Variants in LAMP3 observed in about 807,000 individuals in gnomAD.
LAMP3 encodes the protein lysosome-associated membrane glycoprotein 3.
LAMP3 carries 26 observed loss-of-function variants against 34.8 expected under a neutral mutation model. The ratio of observed to expected loss-of-function variants is 0.75; its 90% confidence interval spans 0.55 to 1.04. The LOEUF is 1.04. Ranked by LOEUF, LAMP3 falls within the 50% of genes least tolerant of loss-of-function variation. The pLI, the probability that LAMP3 is intolerant of heterozygous loss-of-function variation, is 0.00. For synonymous variants in LAMP3, 180 were observed against 201.9 expected (o/e 0.89, Z 0.92); for missense variants, 495 against 524.0 (o/e 0.94, Z 0.54).
intron 3 of LAMP3, among the ~76,000 whole-genome samples, chr3:183,149,610 TACAC>T (rs568430015): frequency 5.5e-5 from 7 of 127,166 alleles, no homozygotes; most frequent in African/African-American, 9.1e-5. Context: ...TATATATGTA[TACAC>T]ACACACACAC....
At chr3:183,142,073 C>T (rs992361713) in intron 3 of LAMP3, among the ~76,000 whole-genome samples, 4 of 152,188 alleles carry the variant, frequency 2.6e-5, no homozygotes, top group African/African-American at 9.7e-5. Context: ...TTAGACAATC[C>T]ATTTGCTTTA....
chr3:183,140,475 A>G lies in LAMP3; in HGVS notation c.946+63T>C, dbSNP rs189724028. On this transcript the variant is annotated intron_variant, in intron 4 of 5. Transcript: ENST00000265598. ...ACATGAGAAGATTCAATGGGATGAA[A>G]GGTGAGCTAACCAACAGAAACAGCG... 4 of 832,582 alleles carry G rather than the reference A, an allele frequency of 4.8e-6. No individual in the cohort carries two copies. The Admixed American group carries it at 5.7e-5, about 12-fold the overall frequency. 51.6% of individuals were successfully genotyped at this position (832,582 alleles called of 1,614,324 possible).
In LAMP3 at chr3:183,126,563, T is replaced by TGTGCGC. The variant is rs1289493902; in HGVS notation, c.1118-2350_1118-2349insGCGCAC. On this transcript the variant is annotated intron_variant, in intron 5 of 5. Coordinates refer to ENST00000265598, the MANE Select transcript of LAMP3 (RefSeq NM_014398.4). ...GTGTGTGTGTGTGTGTGTGTGTGTGTGCACACGTGTGCATGTGTGCAAACT... is the reference window on the plus strand; with the variant it reads ...GTGTGTGTGTGTGTGTGTGTGTGTGTGTGCGCGCACACGTGTGCATGTGTGCAAACT... 2.9e-4 allele frequency among the ~76,000 whole-genome samples: 43 copies of TGTGCGC among 149,162 alleles called. 8 individuals are homozygous for TGTGCGC. Among genetic ancestry groups the TGTGCGC allele is most frequent in the South Asian group, 6.4e-4 (3 of 4,720 alleles).
chr3:183,142,470 C>G (rs73886244), intron 3 of LAMP3, among the ~76,000 whole-genome samples: 5 of 151,942 alleles, frequency 3.3e-5, no homozygotes, highest in Non-Finnish European at 5.9e-5. Context: ...TTTCAGAATT[C>G]GCCACGTGCA....
chr3:183,140,643 T>C, intron 3 of LAMP3, 48 bp from the exon 4 acceptor site: 1 of 1,184,142 alleles, frequency 8.4e-7, no homozygotes, highest in East Asian at 2.3e-5. Flanking sequence ...TACTCATATG[T>C]TTACAATCTT....
intron 1 of LAMP3, among the ~76,000 whole-genome samples, chr3:183,154,657 G>A (rs1260591716): frequency 2.6e-5 from 4 of 152,146 alleles, no homozygotes; most frequent in Non-Finnish European, 5.9e-5. Flanking sequence ...TGTGTGAGGT[G>A]TGGTACTAAT....
chr3:183,162,498 ACCTC>A, intron 1 of LAMP3, 105 bp downstream of exon 1: 3 of 1,121,172 alleles, frequency 2.7e-6, no homozygotes, highest in Non-Finnish European at 3.9e-6. Flanking sequence ...GACGCGCCAC[ACCTC>A]CCTACCCGCA....
At chr3:183,148,257 G>T (rs995709961) in intron 3 of LAMP3, among the ~76,000 whole-genome samples, 6 of 152,144 alleles carry the variant, frequency 3.9e-5, no homozygotes, top group African/African-American at 1.4e-4. Context: ...ACGTTGGTCT[G>T]GGCAAAGATT....
chr3:183,160,258 C>T (rs1720938895), intron 1 of LAMP3, among the ~76,000 whole-genome samples: 2 of 152,182 alleles, frequency 1.3e-5, no homozygotes, highest in South Asian at 4.1e-4. Context: ...AGAGAGTTTA[C>T]CCAAAAGCTC....
rs769121427 is a variant in LAMP3, at chr3:183,124,055, T to A, written c.*26A>T. On this transcript the variant is annotated 3_prime_UTR_variant, in exon 6 of 6. Coordinates refer to ENST00000265598, the MANE Select transcript of LAMP3 (RefSeq NM_014398.4). ...GGATGAAAGAGTTCTCTAAATTCCA[T>A]TATTTTCATTCCCCCCGGGCAACAA... 1.2e-6 allele frequency: 2 copies of A among 1,613,676 alleles called. No homozygotes were observed. Among genetic ancestry groups the A allele is most frequent in the Non-Finnish European group, 1.7e-6 (2 of 1,179,696 alleles).
At chr3:183,157,889 G>A (rs527270359) in intron 1 of LAMP3, among the ~76,000 whole-genome samples, 24 of 152,236 alleles carry the variant, frequency 1.6e-4, no homozygotes, top group South Asian at 2.1e-4. Flanking sequence ...TGTGGTACCC[G>A]GTCAAGGTGT....
chr3:183,151,004 C>T (rs1720612728), intron 3 of LAMP3, among the ~76,000 whole-genome samples: 1 of 152,176 alleles, frequency 6.6e-6, no homozygotes, highest in African/African-American at 2.4e-5. Context: ...CGCAACTCTA[C>T]CTTGTATGCT....
chr3:183,151,277 C>T (rs1284330682), intron 3 of LAMP3, among the ~76,000 whole-genome samples: 1 of 152,198 alleles, frequency 6.6e-6, no homozygotes, highest in Non-Finnish European at 1.5e-5. Flanking sequence ...ATTTGAAGGA[C>T]ACTCTGAGGC....
intron 1 of LAMP3, among the ~76,000 whole-genome samples, chr3:183,158,621 C>T (rs937140779): frequency 2.0e-5 from 3 of 152,036 alleles, no homozygotes; most frequent in African/African-American, 7.2e-5. Flanking sequence ...TCCCCTACAA[C>T]CAGTGGGTGT....
rs1553874644 is a variant in LAMP3, at chr3:183,136,664, A to AC, written c.947-778_947-777insG. 8.4e-5 allele frequency among the ~76,000 whole-genome samples: 12 copies of AC among 143,636 alleles called. No homozygotes were observed. The East Asian group carries it at 2.0e-3, about 23-fold the overall frequency. The allele number at this position is 143,636 out of a possible 152,430, so 94.2% of individuals were successfully genotyped here. ...GAAACTCCGTTTCAGAAAAAAAAAAAAAAAAACAACTCATTAGGAGGGGTT... is the reference window on the plus strand; with the variant it reads ...GAAACTCCGTTTCAGAAAAAAAAAAACAAAAAACAACTCATTAGGAGGGGTT... On this transcript the variant is annotated intron_variant, in intron 4 of 5. Transcript: ENST00000265598.
At chr3:183,154,915 ATCTTTTTTT>A (rs145151045) in intron 1 of LAMP3, among the ~76,000 whole-genome samples, 11,159 of 152,014 alleles carry the variant, frequency 0.073, 456 homozygotes, top group East Asian at 0.16. Flanking sequence ...CCAAACTCCA[ATCTTTTTTT>A]TCTTTTTTGA....
intron 4 of LAMP3, among the ~76,000 whole-genome samples, chr3:183,137,457 G>A (rs1327747782): frequency 6.6e-6 from 1 of 152,138 alleles, no homozygotes; most frequent in Non-Finnish European, 1.5e-5. Context: ...CTGGCCAGAG[G>A]ACCCAACTCT....
chr3:183,141,316 T>C (rs1209306856), intron 3 of LAMP3, among the ~76,000 whole-genome samples: 1 of 152,186 alleles, frequency 6.6e-6, no homozygotes, highest in Non-Finnish European at 1.5e-5. Context: ...CCACATTTCA[T>C]CTAGGAATTA....
chr3:183,129,396 G>A (rs1028255989), intron 5 of LAMP3, among the ~76,000 whole-genome samples: 23 of 151,622 alleles, frequency 1.5e-4, no homozygotes, highest in African/African-American at 2.9e-4. Flanking sequence ...AGGTCTATAC[G>A]TCAGAGGCAC....
Sources: gnomAD v4.1 joint callset for allele counts (sites outside exome capture counted in the v4.1 genomes callset) on GRCh38, gnomAD v4.1.1 for gene constraint, MANE v1.5 for transcripts, NCBI Gene and HGNC (gene_info 2026-07-23, HGNC 2026-07-21) for gene names.